Variants in EMCN observed in about 807,000 individuals in gnomAD.
EMCN encodes the protein MUC-14.
A neutral mutation model predicts 38.4 loss-of-function variants in EMCN; 37 were observed. The ratio of observed to expected loss-of-function variants is 0.96; its 90% CI spans 0.74 to 1.27. The LOEUF is 1.27. Ranked by LOEUF, EMCN falls within the 50% of genes most tolerant of loss-of-function variation. EMCN has a pLI of 0.00. For synonymous variants in EMCN, 95 were observed against 100.8 expected, an observed-to-expected ratio of 0.94 and a Z score of 0.35; for missense variants, 318 against 302.8, an observed-to-expected ratio of 1.05 and a Z score of -0.37.
intron 4 of EMCN, among the ~76,000 whole-genome samples, chr4:100,461,348 T>C (rs1728173301): frequency 6.6e-6 from 1 of 152,164 alleles, no homozygotes; most frequent in Non-Finnish European, 1.5e-5. Context: ...ATTTAGAGTA[T>C]CACTGATATT....
intron 8 of EMCN, 91 bp downstream of exon 8, chr4:100,421,190 TA>T (rs1159733370): frequency 9.0e-7 from 1 of 1,115,302 alleles, no homozygotes; most frequent in African/African-American, 1.6e-5. Context: ...TTTCTTTCTA[TA>T]ACTTTTCTCT....
chr4:100,421,233 G>C lies in EMCN; in HGVS notation c.664+49C>G. The C allele has an allele frequency of 2.1e-6, 3 of 1,433,444 alleles. No individual in the cohort carries two copies. The East Asian group carries it at 6.8e-5, about 33-fold the overall frequency. 88.8% of individuals were successfully genotyped at this position (1,433,444 alleles called of 1,614,324 possible). On this transcript the variant is annotated intron_variant, in intron 8 of 11. Transcript: ENST00000296420. ...AAGAATTTAAAATCAAGTTTAAACT[G>C]AGCATTCATTCTTCTTTCAGGAAAA...
intron 4 of EMCN, among the ~76,000 whole-genome samples, chr4:100,452,873 T>G (rs1050468662): frequency 2.6e-5 from 4 of 151,766 alleles, no homozygotes; most frequent in Non-Finnish European, 4.4e-5. Context: ...AAATAATGCC[T>G]CATATCTACA....
At chr4:100,403,807 C>A (rs1374886000) in intron 11 of EMCN, among the ~76,000 whole-genome samples, 1 of 151,994 alleles carries the variant, frequency 6.6e-6, no homozygotes, top group African/African-American at 2.4e-5. Context: ...TTTTGATTTG[C>A]ATTTCCCAAA....
At position 100,500,291 on chromosome 4, in the gene EMCN, C is replaced by T. The variant is rs1177574747; in HGVS notation, c.64+17560G>A. ...AAGACTTTTAATAGATTCCCTGCTTCAATTTAAAATTCTTAAACTCAAAAT... is the reference window on the plus strand; with the variant it reads ...AAGACTTTTAATAGATTCCCTGCTTTAATTTAAAATTCTTAAACTCAAAAT... On this transcript the variant is annotated intron_variant, in intron 1 of 11. Coordinates refer to ENST00000296420, the MANE Select transcript of EMCN (RefSeq NM_016242.4). Among the ~76,000 whole-genome samples the T allele has an allele frequency of 6.6e-5, 10 of 152,218 alleles. No individual in the cohort carries two copies. The East Asian group carries it at 1.7e-3, about 26-fold the overall frequency.
At chr4:100,448,839 C>CTTCCTTCCTTCCTTCCTTCCTTA (rs1560619352) in intron 4 of EMCN, among the ~76,000 whole-genome samples, 3 of 149,414 alleles carry the variant, frequency 2.0e-5, no homozygotes, top group African/African-American at 7.5e-5. Flanking sequence ...TCCCTCCCTC[C>CTTCCTTCCTTCCTTCCTTCCTTA]CTCCCTTCCT....
intron 5 of EMCN, among the ~76,000 whole-genome samples, chr4:100,441,616 T>A (rs1727520374): frequency 6.6e-6 from 1 of 152,238 alleles, no homozygotes; most frequent in Non-Finnish European, 1.5e-5. Context: ...TTGGTAATTT[T>A]CTGTAGTGTT....
intron 1 of EMCN, among the ~76,000 whole-genome samples, chr4:100,482,761 G>A (rs1232479986): frequency 6.6e-6 from 1 of 152,064 alleles, no homozygotes; most frequent in Non-Finnish European, 1.5e-5. Flanking sequence ...AAGACAATGG[G>A]AAAATGCATG....
intron 4 of EMCN, among the ~76,000 whole-genome samples, chr4:100,452,399 T>C (rs966556579): frequency 3.3e-5 from 5 of 152,042 alleles, no homozygotes; most frequent in Non-Finnish European, 5.9e-5. Flanking sequence ...TTGTATTCAC[T>C]GTGGTAGAAG....
chr4:100,477,797 T>C (rs1171057575), intron 2 of EMCN, among the ~76,000 whole-genome samples: 1 of 152,176 alleles, frequency 6.6e-6, no homozygotes, highest in Non-Finnish European at 1.5e-5. Flanking sequence ...AGATACCTTT[T>C]TTTTTGTATT....
intron 1 of EMCN, among the ~76,000 whole-genome samples, chr4:100,485,169 T>C (rs1728909401): frequency 6.6e-6 from 1 of 152,182 alleles, no homozygotes; most frequent in Admixed American, 6.5e-5. Flanking sequence ...GACCAACTAA[T>C]TTATGGAATT....
chr4:100,410,791 A>T (rs1726531856), intron 10 of EMCN, among the ~76,000 whole-genome samples: 1 of 152,306 alleles, frequency 6.6e-6, no homozygotes, highest in South Asian at 2.1e-4. Flanking sequence ...GGGTTTTGTG[A>T]AAATGAATTT....
At chr4:100,434,383 CAAAAAAAAAA>C (rs767318585) in intron 5 of EMCN, among the ~76,000 whole-genome samples, 2 of 70,696 alleles carry the variant, frequency 2.8e-5, no homozygotes, top group South Asian at 6.0e-4. Flanking sequence ...GCCTACCAAG[CAAAAAAAAAA>C]AAAAAAAAAA....
At chr4:100,417,691 T>A (rs1017701301) in intron 8 of EMCN, among the ~76,000 whole-genome samples, 2 of 152,192 alleles carry the variant, frequency 1.3e-5, no homozygotes, top group African/African-American at 4.8e-5. Flanking sequence ...CTGCAACTAA[T>A]CTTTTGTTCT....
At chr4:100,498,175 A>C (rs1729258435) in intron 1 of EMCN, among the ~76,000 whole-genome samples, 1 of 152,214 alleles carries the variant, frequency 6.6e-6, no homozygotes. Context: ...TTTACTGTTT[A>C]GTCTGAAGAA....
chr4:100,461,957 G>A (rs1728191093), intron 4 of EMCN, among the ~76,000 whole-genome samples: 1 of 152,142 alleles, frequency 6.6e-6, no homozygotes, highest in African/African-American at 2.4e-5. Context: ...GTGTTTATGT[G>A]TGATGGGCGG....
intron 5 of EMCN, chr4:100,446,266 T>TA (rs1428488786): frequency 1.1e-6 from 1 of 911,438 alleles, no homozygotes; most frequent in Admixed American, 6.2e-5. Flanking sequence ...ATGGAAATAA[T>TA]AAAAAATATG....
chr4:100,440,181 T>A (rs559779281), intron 5 of EMCN, among the ~76,000 whole-genome samples: 2 of 152,300 alleles, frequency 1.3e-5, no homozygotes, highest in East Asian at 1.9e-4. Flanking sequence ...ATTTCTTTTT[T>A]AATTTTCTGT....
At chr4:100,414,109 C>A (rs1241901310) in intron 10 of EMCN, among the ~76,000 whole-genome samples, 1 of 152,076 alleles carries the variant, frequency 6.6e-6, no homozygotes, top group Non-Finnish European at 1.5e-5. Context: ...GAAAACTGAT[C>A]CCAGCACCCT....
Sources: gnomAD v4.1 joint callset for allele counts (sites outside exome capture counted in the v4.1 genomes callset) on GRCh38, gnomAD v4.1.1 for gene constraint, MANE v1.5 for transcripts, NCBI Gene and HGNC (gene_info 2026-07-23, HGNC 2026-07-21) for gene names.